Variants in TLL2 observed in about 807,000 individuals in gnomAD.
TLL2 encodes tolloid like 2, also known as tolloid-like protein 2.
In TLL2, 106 loss-of-function variants were observed where a neutral mutation model predicts 123.0. The observed-to-expected ratio is 0.86, with a 90% CI of 0.74 to 1.01. TLL2 has a LOEUF of 1.01. Among genes scored for constraint, TLL2 ranks in the 50% least tolerant of loss-of-function variants. TLL2 has a pLI of 0.00. For missense variants in TLL2, 1,332 were observed against 1,336.7 expected, an observed-to-expected ratio of 1.00 and a Z score of 0.06; for synonymous variants, 494 against 516.8, an observed-to-expected ratio of 0.96 and a Z score of 0.60.
chr10:96,494,543 C>G (rs975426705), intron 1 of TLL2, among the ~76,000 whole-genome samples: 1 of 152,244 alleles, frequency 6.6e-6, no homozygotes, highest in Non-Finnish European at 1.5e-5. Context: ...AGGACACTTC[C>G]TGATTTTCAT....
At chr10:96,378,817 ACT>A in intron 17 of TLL2, 148 bp downstream of exon 17, 3 of 1,051,578 alleles carry the variant, frequency 2.9e-6, no homozygotes, top group Non-Finnish European at 4.1e-6. Context: ...CCTGGGGAAA[ACT>A]CTCCCGCAAG....
At chr10:96,467,253 C>T (rs753125368) in intron 2 of TLL2, among the ~76,000 whole-genome samples, 28 of 152,144 alleles carry the variant, frequency 1.8e-4, no homozygotes, top group Non-Finnish European at 3.4e-4. Context: ...AGAGCAGTGG[C>T]TCACCGCAGC....
intron 2 of TLL2, among the ~76,000 whole-genome samples, chr10:96,469,968 C>T (rs891646790): frequency 6.6e-6 from 1 of 151,870 alleles, no homozygotes; most frequent in Non-Finnish European, 1.5e-5. Context: ...GAGCCAAGAA[C>T]TCTTGTGGGC....
chr10:96,397,582 G>T (rs570877767), intron 10 of TLL2, among the ~76,000 whole-genome samples: 19 of 152,316 alleles, frequency 1.2e-4, no homozygotes, highest in Non-Finnish European at 2.6e-4. Context: ...CCCTGCCGAG[G>T]GGTGTTGCTG....
chr10:96,402,467 C>T (rs1846405785), intron 10 of TLL2, among the ~76,000 whole-genome samples: 1 of 152,200 alleles, frequency 6.6e-6, no homozygotes, highest in Admixed American at 6.5e-5. Context: ...GTTTGGGAAC[C>T]TCTGCTACTG....
chr10:96,424,168 G>A (rs1029283221), intron 5 of TLL2, among the ~76,000 whole-genome samples: 1 of 152,180 alleles, frequency 6.6e-6, no homozygotes, highest in East Asian at 1.9e-4. Flanking sequence ...AAGGGTAGTG[G>A]GGGACTGGTG....
intron 4 of TLL2, among the ~76,000 whole-genome samples, chr10:96,430,989 T>C (rs1359653181): frequency 3.9e-5 from 6 of 152,244 alleles, no homozygotes; most frequent in Non-Finnish European, 7.3e-5. Context: ...TCAAATTGTT[T>C]ATAGCTCAAT....
chr10:96,442,239 A>G (rs1448064693), intron 3 of TLL2, among the ~76,000 whole-genome samples: 1 of 152,080 alleles, frequency 6.6e-6, no homozygotes, highest in Middle Eastern at 3.2e-3. Context: ...GGGGAGCCAC[A>G]TAATGCCAGG....
At chr10:96,376,463 G>C (rs1846138708) in intron 18 of TLL2, among the ~76,000 whole-genome samples, 1 of 152,262 alleles carries the variant, frequency 6.6e-6, no homozygotes, top group South Asian at 2.1e-4. Context: ...GTCCCACTGT[G>C]CCCAGGTGTG....
chr10:96,477,032 C>CTTTTT (rs10615764), intron 2 of TLL2, among the ~76,000 whole-genome samples: 15,681 of 110,038 alleles, frequency 0.14, 1,244 homozygotes, highest in East Asian at 0.34. Flanking sequence ...AGCTACTGGA[C>CTTTTT]TTTTTTTTTT....
Position 96,432,893 on chromosome 10 carries a change from G to A in TLL2, c.434C>T (p.Pro145Leu), listed in dbSNP as rs751916642. 12 of 1,614,122 alleles carry A rather than the reference G, an allele frequency of 7.4e-6. No individual in the cohort carries two copies. Among genetic ancestry groups the A allele is most frequent in the Non-Finnish European group, 8.5e-6 (10 of 1,180,020 alleles). Reference sequence around the variant, plus strand: ...TGAGGTTGTGGCTCTTCGGACCCGGGGAGAGAAGGTCTTGGCTGCGGCATG... The same window carrying A: ...TGAGGTTGTGGCTCTTCGGACCCGGAGAGAGAAGGTCTTGGCTGCGGCATG... The part of the protein sequence containing the change: ...TLHAAAKTFS[P>L]RVRRATTSRT... Residue 145 changes from proline to leucine, a missense_variant, in exon 4 of 21, where the codon CCC becomes CTC. By Grantham distance (98) the Pro-to-Leu change is moderately conservative (BLOSUM62 -3). Transcript: ENST00000357947.
chr10:96,452,226 G>A (rs1846967824), intron 2 of TLL2, among the ~76,000 whole-genome samples: 1 of 152,244 alleles, frequency 6.6e-6, no homozygotes, highest in South Asian at 2.1e-4. Flanking sequence ...CAGAGCAGTG[G>A]GGGATGGGAG....
At chr10:96,377,735 G>C (rs1272119603) in intron 17 of TLL2, among the ~76,000 whole-genome samples, 2 of 152,206 alleles carry the variant, frequency 1.3e-5, no homozygotes, top group African/African-American at 2.4e-5. Flanking sequence ...AAACAGCTTC[G>C]AGGATGTTCC....
Position 96,389,332 on chromosome 10 carries a change from A to G in TLL2, c.1727-2254T>C, listed in dbSNP as rs1166719738. 2.0e-5 allele frequency among the ~76,000 whole-genome samples: 3 copies of G among 152,358 alleles called. No homozygotes were observed. The East Asian group carries it at 5.8e-4, about 29-fold the overall frequency. On this transcript the variant is annotated intron_variant, in intron 13 of 20. Coordinates refer to ENST00000357947, the MANE Select transcript of TLL2 (RefSeq NM_012465.4). Reference sequence around the variant, plus strand: ...AGACCATCGGCACACAGAAGCCATCATGATAGACAGCAGCAGAGTTGCTTT... The same window carrying G: ...AGACCATCGGCACACAGAAGCCATCGTGATAGACAGCAGCAGAGTTGCTTT...
chr10:96,387,085 G>A lies in TLL2; in HGVS notation c.1727-7C>T. The A allele has an allele frequency of 1.2e-6, 2 of 1,611,070 alleles. No homozygotes were observed. The highest frequency in any genetic ancestry group is 1.1e-5 in the South Asian group (1 of 91,010). Reference sequence around the variant, plus strand: ...CAGGAACACTCATCCACCTCTGGTGGGGAAGGAAGGTGACCCCGGTTACAT... The same window carrying A: ...CAGGAACACTCATCCACCTCTGGTGAGGAAGGAAGGTGACCCCGGTTACAT... On this transcript the variant is annotated splice_region_variant and splice_polypyrimidine_tract_variant and intron_variant, in intron 13 of 20. Coordinates refer to ENST00000357947, the MANE Select transcript of TLL2 (RefSeq NM_012465.4).
Position 96,367,426 on chromosome 10 carries a change from G to C in TLL2, c.*662C>G, listed in dbSNP as rs149093975. On this transcript the variant is annotated 3_prime_UTR_variant, in exon 21 of 21. Transcript: ENST00000357947. Reference sequence around the variant, plus strand: ...CTTAGCCCCCACTGCAATTAGGGAGGGGGGGAAACCAAAGGGACAAGGAGA... The same window carrying C: ...CTTAGCCCCCACTGCAATTAGGGAGCGGGGGAAACCAAAGGGACAAGGAGA... 10 of 152,376 alleles carry C rather than the reference G, an allele frequency of 6.6e-5. No homozygotes were observed. The highest frequency in any genetic ancestry group is 2.2e-4 in the African/African-American group (9 of 41,568). 9.4% of individuals were successfully genotyped at this position (152,376 alleles called of 1,614,324 possible).
At chr10:96,463,038 C>G (rs920528699) in intron 2 of TLL2, among the ~76,000 whole-genome samples, 75 of 152,110 alleles carry the variant, frequency 4.9e-4, no homozygotes, top group African/African-American at 1.8e-3. Flanking sequence ...TGTGAATAAC[C>G]AAAAAAGTGC....
Position 96,367,694 on chromosome 10 carries a change from A to T in TLL2, c.*394T>A, listed in dbSNP as rs1473238825. 1 of 170,078 alleles carries T rather than the reference A, an allele frequency of 5.9e-6. No homozygotes were observed. 10.5% of individuals were successfully genotyped at this position (170,078 alleles called of 1,614,324 possible). A position where few individuals can be genotyped will look rare whatever the true frequency, so the allele number is the denominator to read the frequency against. On this transcript the variant is annotated 3_prime_UTR_variant, in exon 21 of 21. Transcript: ENST00000357947. ...TTCATCCCTTATGCCCAACATGGAC[A>T]GAAGACAGCCTGGCACCTTTGCAAG...
chr10:96,505,307 C>G, intron 1 of TLL2, among the ~76,000 whole-genome samples: 1 of 152,106 alleles, frequency 6.6e-6, no homozygotes. Flanking sequence ...GATCCAATCA[C>G]CTCCCACCAG....
Sources: gnomAD v4.1 joint callset for allele counts (sites outside exome capture counted in the v4.1 genomes callset) on GRCh38, gnomAD v4.1.1 for gene constraint, MANE v1.5 for transcripts, NCBI Gene and HGNC (gene_info 2026-07-23, HGNC 2026-07-21) for gene names.